The following C12orf42 variants were observed in gnomAD, a reference collection of about 807,000 sequenced individuals.
C12orf42 encodes chromosome 12 open reading frame 42, also known as uncharacterized protein C12orf42.
C12orf42 carries 25 observed loss-of-function variants against 21.6 expected under a neutral mutation model. The observed-to-expected ratio is 1.16, with a 90% confidence interval of 0.84 to 1.62. The LOEUF is 1.62. Ranked by LOEUF, C12orf42 falls within the 40% of genes most tolerant of loss-of-function variation. The pLI, the probability that C12orf42 is intolerant of heterozygous loss-of-function variation, is 0.00. For missense variants in C12orf42, 483 were observed against 459.3 expected (o/e 1.05, Z -0.47); for synonymous variants, 174 against 175.0 (o/e 0.99, Z 0.05).
chr12:103,049,469 C>T, the C12orf42 span, among the ~76,000 whole-genome samples: 1 of 152,076 alleles, frequency 6.6e-6, no homozygotes, highest in African/African-American at 2.4e-5. Context: ...AAGGTGATGG[C>T]CTCCTAATTA....
At chr12:103,327,924 T>C (rs954617409) in intron 4 of C12orf42, among the ~76,000 whole-genome samples, 3 of 152,192 alleles carry the variant, frequency 2.0e-5, no homozygotes, top group African/African-American at 7.2e-5. Context: ...CCAACTCAAA[T>C]GGGCTTGAGC....
chr12:103,295,221 C>T (rs1419725870), intron 4 of C12orf42, among the ~76,000 whole-genome samples: 1 of 152,158 alleles, frequency 6.6e-6, no homozygotes, highest in Non-Finnish European at 1.5e-5. Context: ...AAATCCTCAA[C>T]ATCACATTTG....
the C12orf42 span, among the ~76,000 whole-genome samples, chr12:103,125,161 CA>C: frequency 6.6e-6 from 1 of 151,790 alleles, no homozygotes; most frequent in Non-Finnish European, 1.5e-5. Context: ...TGGTCCTTTT[CA>C]AAAAAGACTT....
the C12orf42 span, among the ~76,000 whole-genome samples, chr12:103,176,521 G>A: frequency 6.6e-6 from 1 of 152,092 alleles, no homozygotes; most frequent in South Asian, 2.1e-4. Flanking sequence ...CCAATTTTCT[G>A]GCCCAATTTC....
intron 2 of C12orf42, among the ~76,000 whole-genome samples, chr12:103,402,599 T>A (rs2048094852): frequency 6.6e-6 from 1 of 152,138 alleles, no homozygotes; most frequent in Non-Finnish European, 1.5e-5. Context: ...CAGAGGTGAT[T>A]AGAGTCTAAA....
the C12orf42 span, among the ~76,000 whole-genome samples, chr12:103,213,755 C>T: frequency 2.6e-5 from 4 of 152,286 alleles, no homozygotes; most frequent in Non-Finnish European, 4.4e-5. Flanking sequence ...AGAAAGTTTC[C>T]GATTGCTGCA....
At chr12:103,253,146 T>G (rs2034391255) in intron 10 of C12orf42, among the ~76,000 whole-genome samples, 1 of 152,170 alleles carries the variant, frequency 6.6e-6, no homozygotes, top group African/African-American at 2.4e-5. Flanking sequence ...AAGGCCTCTG[T>G]TCTGTTCCGT....
the C12orf42 span, among the ~76,000 whole-genome samples, chr12:103,175,276 T>G: frequency 6.6e-6 from 1 of 152,194 alleles, no homozygotes. Flanking sequence ...GTCCCTTTTG[T>G]TTTTTTAATA....
intron 1 of C12orf42, among the ~76,000 whole-genome samples, chr12:103,483,182 C>T (rs1954590737): frequency 1.3e-5 from 2 of 152,054 alleles, no homozygotes; most frequent in South Asian, 4.1e-4. Flanking sequence ...AAATTCCAAG[C>T]ACCAAGAGTG....
chr12:103,532,719 C>A, the C12orf42 span, among the ~76,000 whole-genome samples: 7 of 152,148 alleles, frequency 4.6e-5, no homozygotes, highest in Non-Finnish European at 7.4e-5. Context: ...CAAACACTGT[C>A]CTGTGTCATT....
the C12orf42 span, among the ~76,000 whole-genome samples, chr12:103,175,980 T>C: frequency 3.3e-5 from 5 of 152,124 alleles, no homozygotes. Flanking sequence ...TGATCCTCCA[T>C]CGAGACCACT....
intron 1 of C12orf42, among the ~76,000 whole-genome samples, chr12:103,494,539 G>A (rs1298976867): frequency 6.6e-6 from 1 of 150,940 alleles, no homozygotes; most frequent in African/African-American, 2.4e-5. Flanking sequence ...GGTTTTTTAA[G>A]CACTCTATGT....
intron 2 of C12orf42, among the ~76,000 whole-genome samples, chr12:103,475,925 C>G (rs1190232035): frequency 6.6e-6 from 1 of 152,200 alleles, no homozygotes; most frequent in African/African-American, 2.4e-5. Context: ...CACCTTTATT[C>G]TCCTGGGATT....
At chr12:103,220,169 C>A in the C12orf42 span, among the ~76,000 whole-genome samples, 1 of 152,084 alleles carries the variant, frequency 6.6e-6, no homozygotes, top group African/African-American at 2.4e-5. Context: ...AACAGAAAAC[C>A]AAACGCCACA....
chr12:103,147,150 C>G, the C12orf42 span, among the ~76,000 whole-genome samples: 2 of 152,132 alleles, frequency 1.3e-5, no homozygotes, highest in Admixed American at 6.6e-5. Flanking sequence ...TAAATTAAGC[C>G]TTTATAGTAG....
the C12orf42 span, among the ~76,000 whole-genome samples, chr12:103,071,909 C>A: frequency 1.3e-5 from 2 of 152,046 alleles, no homozygotes; most frequent in African/African-American, 4.8e-5. Context: ...CAGAAGAAAC[C>A]TGATGAAAAA....
chr12:103,368,183 T>C (rs1342077075), intron 4 of C12orf42: 3 of 553,356 alleles, frequency 5.4e-6, no homozygotes, highest in East Asian at 6.8e-5. Context: ...ATATAACTAA[T>C]ACAATTATAT....
chr12:103,155,051 G>A, the C12orf42 span: 33 of 152,254 alleles, frequency 2.2e-4, no homozygotes, highest in African/African-American at 7.9e-4. Flanking sequence ...TCAGTATAAA[G>A]CCCACTGCAG....
chr12:103,358,611 C>T (rs1481610722), intron 4 of C12orf42, among the ~76,000 whole-genome samples: 1 of 136,776 alleles, frequency 7.3e-6, no homozygotes, highest in Non-Finnish European at 1.6e-5. Context: ...TGTTTCAAAC[C>T]AAAAAAAAAA....
Sources: gnomAD v4.1 joint callset for allele counts (sites outside exome capture counted in the v4.1 genomes callset) on GRCh38, gnomAD v4.1.1 for gene constraint, MANE v1.5 for transcripts, NCBI Gene and HGNC (gene_info 2026-07-23, HGNC 2026-07-21) for gene names.